SPATA21: variants seen among roughly 807,000 people sequenced by gnomAD.
SPATA21 encodes the protein spermatogenesis-associated protein 21.
SPATA21 carries 47 observed loss-of-function variants against 54.8 expected under a neutral mutation model. The observed-to-expected ratio is 0.86, with a 90% confidence interval of 0.68 to 1.09. SPATA21 has a LOEUF of 1.09. Among genes scored for constraint, SPATA21 ranks in the 50% least tolerant of loss-of-function variants. The pLI is 0.00. For missense variants in SPATA21, 599 were observed against 596.4 expected, an observed-to-expected ratio of 1.00 and a Z score of -0.05; for synonymous variants, 245 against 235.3, an observed-to-expected ratio of 1.04 and a Z score of -0.38.
chr1:16,428,556 AT>A lies in SPATA21; in HGVS notation c.34+2781del, dbSNP rs879610761. 2.5e-3 allele frequency among the ~76,000 whole-genome samples: 370 copies of A among 147,608 alleles called. 1 individual carries two copies. Among genetic ancestry groups the A allele is most frequent in the Middle Eastern group, 6.8e-3 (2 of 292 alleles). On this transcript the variant is annotated intron_variant, in intron 3 of 12. Coordinates refer to ENST00000335496, the MANE Select transcript of SPATA21 (RefSeq NM_198546.1). This position sits in a 1 kb window ranked among gnomAD's most constrained non-coding sequence, Gnocchi z 4.3. ...AGGTGTGCGCCACCATGCCCAACTA[AT>A]TTTTTTTTTTTATTTTTTTTGTAGG...
At chr1:16,411,795 A>G (rs2085855196) in intron 5 of SPATA21, among the ~76,000 whole-genome samples, 1 of 122,070 alleles carries the variant, frequency 8.2e-6, no homozygotes, top group Non-Finnish European at 1.8e-5. Context: ...GTCTCAAAAA[A>G]AAAAAAAAAA....
intron 10 of SPATA21, among the ~76,000 whole-genome samples, chr1:16,402,621 AT>A (rs76917014): frequency 0.47 from 71,577 of 151,386 alleles, 17,374 homozygotes; most frequent in East Asian, 0.67. Flanking sequence ...CAGTGGTGCC[AT>A]CATGGCTCAC....
chr1:16,425,548 C>T, intron 3 of SPATA21: 1 of 1,549,194 alleles, frequency 6.5e-7, no homozygotes, highest in Non-Finnish European at 8.7e-7. Flanking sequence ...GAGGCTGATC[C>T]TCCCCGATTC....
chr1:16,419,081 C>T (rs1243363526), intron 5 of SPATA21, among the ~76,000 whole-genome samples: 6 of 152,150 alleles, frequency 3.9e-5, no homozygotes, highest in African/African-American at 1.4e-4. Context: ...ACTACAAAGA[C>T]AATAAAACAG....
chr1:16,418,985 T>C (rs2086095337), intron 5 of SPATA21, among the ~76,000 whole-genome samples: 1 of 152,198 alleles, frequency 6.6e-6, no homozygotes, highest in African/African-American at 2.4e-5. Context: ...GAGGAGTAAG[T>C]CAACTAGCAA....
Position 16,409,689 on chromosome 1 carries a change from G to A in SPATA21, c.499C>T (p.Leu167=), listed in dbSNP as rs1425776670. 1.9e-6 allele frequency: 3 copies of A among 1,613,462 alleles called. No individual in the cohort carries two copies. Among genetic ancestry groups the A allele is most frequent in the Admixed American group, 1.7e-5 (1 of 60,014 alleles). ...CCCAGGTCCAGGGCAGGGCCCAGCAGGACAGGGCAAGGCATGGAGGTGGGG... is the reference window on the plus strand; with the variant it reads ...CCCAGGTCCAGGGCAGGGCCCAGCAAGACAGGGCAAGGCATGGAGGTGGGG... ...PVPTSMPCPV[L]LGPALDLGWR... Residue 167 remains leucine, a synonymous_variant, in exon 6 of 13, where the codon CTG becomes TTG. Transcript: ENST00000335496. This position sits in a 1 kb window ranked among gnomAD's most constrained non-coding sequence, Gnocchi z 4.1.
At chr1:16,425,776 C>T in intron 3 of SPATA21, 3 of 1,510,930 alleles carry the variant, frequency 2.0e-6, no homozygotes, top group Non-Finnish European at 2.7e-6. Context: ...CAGACTGGGG[C>T]ACTGTTTTAT....
rs906520268 is a variant in SPATA21 at position 16,409,926 on chromosome 1, A to G, written c.262T>C (p.Cys88Arg). The part of the protein sequence containing the change: ...LGNFRQGFMK[C>R]LLEVEKMEAS... ...TCCATTTTCTCCACCTCCAGCAAGCACTTCATGAAGCCCTGCCGGAAGTTC... is the reference window on the plus strand; with the variant it reads ...TCCATTTTCTCCACCTCCAGCAAGCGCTTCATGAAGCCCTGCCGGAAGTTC... The change falls in exon 6 of 13, where the codon TGC becomes CGC. Residue 88 changes from cysteine to arginine, a missense_variant. Transcript: ENST00000335496. The surrounding 1 kb of genome is among the most constrained non-coding windows in gnomAD (Gnocchi z 4.1). The G allele has an allele frequency of 6.2e-7, 1 of 1,613,780 alleles. No individual in the cohort carries two copies. The highest frequency in any genetic ancestry group is 1.3e-5 in the African/African-American group (1 of 74,904).
chr1:16,422,294 C>T, intron 3 of SPATA21: 1 of 1,162,790 alleles, frequency 8.6e-7, no homozygotes, highest in Non-Finnish European at 1.1e-6. Context: ...TACACACTTA[C>T]TAGGGTCCCA....
chr1:16,399,200 G>A (rs1284281383), intron 12 of SPATA21, 144 bp downstream of exon 12: 9 of 963,882 alleles, frequency 9.3e-6, no homozygotes, highest in South Asian at 7.2e-5. Flanking sequence ...TGTCTTCTTC[G>A]CCTTTTACCC....
chr1:16,409,638 G>A lies in SPATA21; in HGVS notation c.550C>T (p.Gln184Ter), dbSNP rs765956434. The change falls in exon 6 of 13, where the codon CAG (glutamine) becomes TAG (stop). Residue 184 changes from glutamine to a stop codon, truncating the protein, a stop_gained. Transcript: ENST00000335496. LOFTEE classifies it high-confidence loss of function. The surrounding 1 kb of genome is among the most constrained non-coding windows in gnomAD (Gnocchi z 4.1). ...TAGCTCAGGGTTCTCTCGCTGCTCT[G>A]GTGCAAGAGTTCCATCCTTCTCCAG... The part of the protein sequence containing the change: ...LGWRRMELLH[Q>*]SSERTLSYAK... 7.4e-6 allele frequency: 12 copies of A among 1,612,786 alleles called. No homozygotes were observed. In the East Asian group the frequency reaches 2.7e-4, roughly 36 times the overall value.
At chr1:16,431,255 T>C (rs1187889869) in intron 3 of SPATA21, 83 bp downstream of exon 3, 1 of 1,613,058 alleles carries the variant, frequency 6.2e-7, no homozygotes, top group South Asian at 1.1e-5. Flanking sequence ...TGCTGACTCC[T>C]GGTATGATGG....
intron 3 of SPATA21, chr1:16,422,192 G>C (rs1489124560): frequency 7.0e-7 from 1 of 1,433,482 alleles, no homozygotes; most frequent in Non-Finnish European, 9.1e-7. Context: ...GATATCCGGA[G>C]CCCTGTCAAG....
intron 3 of SPATA21, chr1:16,425,785 A>T: frequency 6.7e-7 from 1 of 1,489,678 alleles, no homozygotes; most frequent in South Asian, 1.2e-5. Flanking sequence ...GCACTGTTTT[A>T]TATATTTTTA....
rs2085746466 is a variant in SPATA21, at chr1:16,409,148, CG to C, written c.642del (p.Glu215ArgfsTer4). 7 of 1,614,108 alleles carry C rather than the reference CG, an allele frequency of 4.3e-6. No individual in the cohort carries two copies. Among genetic ancestry groups the C allele is most frequent in the Non-Finnish European group, 5.9e-6 (7 of 1,179,988 alleles). ...TCTTGCTTCAGGGTCAGTTGCTCCT[CG>C]GACTTCTCCCGGTTTTGATAAAGCT... ...LQKLYQNREK[S>X]EEQLTLKQEE... On this transcript the variant is annotated frameshift_variant, in exon 7 of 13. Coordinates refer to ENST00000335496, the MANE Select transcript of SPATA21 (RefSeq NM_198546.1). LOFTEE classifies it high-confidence loss of function. The surrounding 1 kb of genome is among the most constrained non-coding windows in gnomAD (Gnocchi z 4.1).
intron 3 of SPATA21, among the ~76,000 whole-genome samples, chr1:16,430,535 G>A (rs1183407013): frequency 6.6e-6 from 1 of 152,220 alleles, no homozygotes; most frequent in East Asian, 1.9e-4. Context: ...GAGGGGCATG[G>A]AGGGAAGCCC....
At chr1:16,405,245 T>A in intron 7 of SPATA21, 141 bp from the exon 8 acceptor site, 1 of 1,217,720 alleles carries the variant, frequency 8.2e-7, no homozygotes, top group Non-Finnish European at 1.1e-6. Flanking sequence ...CTCACACCTG[T>A]AATCCCAACA....
rs1362969419 is a variant in SPATA21, at chr1:16,432,091, T to G, written c.-51-669A>C. Among the ~76,000 whole-genome samples, 3 of 150,920 alleles carry G rather than the reference T, an allele frequency of 2.0e-5. No individual in the cohort carries two copies. In the Admixed American group the frequency reaches 2.0e-4, roughly 10 times the overall value. On this transcript the variant is annotated intron_variant, in intron 2 of 12. Coordinates refer to ENST00000335496, the MANE Select transcript of SPATA21 (RefSeq NM_198546.1). ...CCTGGACACATCCTTTCTTTTTCTT[T>G]TTCTTTTCTTCTTCTTCTTCTTCTT... is the stretch of plus-strand genomic sequence containing the variant.
intron 8 of SPATA21, among the ~76,000 whole-genome samples, chr1:16,404,635 A>C (rs1422745570): frequency 1.3e-5 from 2 of 152,160 alleles, no homozygotes; most frequent in East Asian, 3.9e-4. Flanking sequence ...CGGGCAACAA[A>C]GACTCCATCT....
Sources: allele counts gnomAD v4.1 joint callset (sites outside exome capture counted in the v4.1 genomes callset), GRCh38; gene constraint gnomAD v4.1.1; non-coding constraint Gnocchi (gnomAD v3.1); transcripts MANE v1.5; gene names NCBI Gene and HGNC (gene_info 2026-07-23, HGNC 2026-07-21).